Variants in GALNT17 observed in about 807,000 individuals in gnomAD.
GALNT17 encodes polypeptide N-acetylgalactosaminyltransferase 17.
A neutral mutation model predicts 63.7 loss-of-function variants in GALNT17; 29 were observed. The ratio of observed to expected loss-of-function variants is 0.46; its 90% CI spans 0.34 to 0.62. The LOEUF (loss-of-function observed/expected upper bound fraction) is 0.62, where lower values mean the gene tolerates loss of function less well. Ranked by LOEUF, GALNT17 falls within the 20% of genes least tolerant of loss-of-function variation. GALNT17 has a pLI of 0.01. For missense variants in GALNT17, 603 were observed against 799.6 expected, an observed-to-expected ratio of 0.75 and a Z score of 2.97; for synonymous variants, 305 against 318.3, an observed-to-expected ratio of 0.96 and a Z score of 0.45.
chr7:71,211,384 A>G (rs1303834737), intron 1 of GALNT17, among the ~76,000 whole-genome samples: 1 of 152,150 alleles, frequency 6.6e-6, no homozygotes, highest in African/African-American at 2.4e-5. Flanking sequence ...TCCCCACATG[A>G]TTCTGAGGCT....
intron 6 of GALNT17, among the ~76,000 whole-genome samples, chr7:71,662,057 C>T (rs920135292): frequency 2.6e-5 from 4 of 152,116 alleles, no homozygotes; most frequent in Non-Finnish European, 5.9e-5. Context: ...TGGCTGCACC[C>T]CAGGCATGAA....
chr7:71,395,893 C>A (rs929946502), intron 3 of GALNT17, among the ~76,000 whole-genome samples: 7 of 152,208 alleles, frequency 4.6e-5, no homozygotes, highest in Non-Finnish European at 1.0e-4. Flanking sequence ...AGTCTATCTT[C>A]TTTGGAGAAA....
At chr7:71,397,322 G>A (rs531384878) in intron 3 of GALNT17, among the ~76,000 whole-genome samples, 1 of 152,154 alleles carries the variant, frequency 6.6e-6, no homozygotes, top group South Asian at 2.1e-4. Flanking sequence ...CTGGACTTAA[G>A]GCAAAAATCT....
chr7:71,332,766 A>G (rs979089139), intron 1 of GALNT17, among the ~76,000 whole-genome samples: 8 of 152,110 alleles, frequency 5.3e-5, no homozygotes, highest in African/African-American at 1.9e-4. Flanking sequence ...GTCTTGGCTC[A>G]CTGCAACCTC....
At chr7:71,692,532 T>G (rs1485213710) in intron 9 of GALNT17, among the ~76,000 whole-genome samples, 3 of 152,098 alleles carry the variant, frequency 2.0e-5, no homozygotes, top group Non-Finnish European at 4.4e-5. Flanking sequence ...AACTTCACAG[T>G]AGCCTCATCC....
intron 2 of GALNT17, among the ~76,000 whole-genome samples, chr7:71,362,178 G>A (rs1164780563): frequency 2.0e-5 from 3 of 152,002 alleles, no homozygotes; most frequent in East Asian, 1.9e-4. Flanking sequence ...GGCTGGTCTC[G>A]AACCCCTGAC....
chr7:71,415,632 G>A (rs1277371008), intron 3 of GALNT17, among the ~76,000 whole-genome samples: 2 of 152,118 alleles, frequency 1.3e-5, no homozygotes, highest in East Asian at 1.9e-4. Flanking sequence ...CATAGCAGCC[G>A]GGATATAAAA....
At chr7:71,190,991 C>T (rs908067614) in intron 1 of GALNT17, among the ~76,000 whole-genome samples, 1 of 152,030 alleles carries the variant, frequency 6.6e-6, no homozygotes. Context: ...GATAGGGGGC[C>T]CGGTTCAGAG....
chr7:71,388,860 C>G (rs1227382938), intron 3 of GALNT17, among the ~76,000 whole-genome samples: 2 of 151,986 alleles, frequency 1.3e-5, no homozygotes, highest in African/African-American at 2.4e-5. Flanking sequence ...TCTAGGCTTA[C>G]CCTAGTCTAT....
At chr7:71,581,977 G>T (rs1403055231) in intron 6 of GALNT17, among the ~76,000 whole-genome samples, 1 of 152,136 alleles carries the variant, frequency 6.6e-6, no homozygotes, top group East Asian at 1.9e-4. Flanking sequence ...ACTTAGAGGA[G>T]CGAGGACATA....
At chr7:71,438,268 T>A (rs1425862621) in intron 5 of GALNT17, among the ~76,000 whole-genome samples, 1 of 152,190 alleles carries the variant, frequency 6.6e-6, no homozygotes, top group Non-Finnish European at 1.5e-5. Context: ...GAATTTGCAG[T>A]CCAATGTTTG....
At chr7:71,539,151 C>G (rs1788847071) in intron 5 of GALNT17, among the ~76,000 whole-genome samples, 1 of 152,096 alleles carries the variant, frequency 6.6e-6, no homozygotes, top group Non-Finnish European at 1.5e-5. Flanking sequence ...ACGCTAGTCT[C>G]AAACTCCTGA....
chr7:71,444,698 G>A (rs1442101338), intron 5 of GALNT17, among the ~76,000 whole-genome samples: 1 of 152,072 alleles, frequency 6.6e-6, no homozygotes, highest in Non-Finnish European at 1.5e-5. Context: ...TGACTGGGCA[G>A]CGCCTGTAAT....
At chr7:71,166,815 T>C (rs1269391478) in intron 1 of GALNT17, among the ~76,000 whole-genome samples, 1 of 152,146 alleles carries the variant, frequency 6.6e-6, no homozygotes, top group East Asian at 1.9e-4. Context: ...TGCATAGATA[T>C]ATGCTTTTTT....
chr7:71,504,073 A>C (rs1788225888), intron 5 of GALNT17, among the ~76,000 whole-genome samples: 1 of 152,074 alleles, frequency 6.6e-6, no homozygotes, highest in South Asian at 2.1e-4. Context: ...CCAAAAATAC[A>C]AAAAATTATC....
At chr7:71,156,689 C>CCTCTCT (rs1238751496) in intron 1 of GALNT17, among the ~76,000 whole-genome samples, 28 of 136,922 alleles carry the variant, frequency 2.0e-4, no homozygotes, top group African/African-American at 7.3e-4. Context: ...TCCCTTCCTT[C>CCTCTCT]CTCTCTGTCT....
chr7:71,403,054 T>G (rs1793267942), intron 3 of GALNT17, among the ~76,000 whole-genome samples: 2 of 152,194 alleles, frequency 1.3e-5, no homozygotes, highest in African/African-American at 4.8e-5. Context: ...GGTTGTGCAT[T>G]TACATTTCTC....
chr7:71,369,479 G>C (rs1337739467), intron 2 of GALNT17, among the ~76,000 whole-genome samples: 1 of 152,126 alleles, frequency 6.6e-6, no homozygotes, highest in Admixed American at 6.5e-5. Context: ...GTGGGGTTTT[G>C]GAAAGGAAGG....
At chr7:71,342,807 G>A (rs1196450546) in intron 2 of GALNT17, among the ~76,000 whole-genome samples, 1 of 152,090 alleles carries the variant, frequency 6.6e-6, no homozygotes, top group African/African-American at 2.4e-5. Flanking sequence ...TTGTTATTTA[G>A]CAACATGGAG....
Sources: gnomAD v4.1 joint callset for allele counts (sites outside exome capture counted in the v4.1 genomes callset) on GRCh38, gnomAD v4.1.1 for gene constraint, MANE v1.5 for transcripts, NCBI Gene and HGNC (gene_info 2026-07-23, HGNC 2026-07-21) for gene names.